Variants in PKP1 observed in about 807,000 individuals in gnomAD.
PKP1 encodes the protein plakophilin 1.
A neutral mutation model predicts 76.4 loss-of-function variants in PKP1; 27 were observed. That is an observed-to-expected ratio of 0.35 (90% CI 0.26 to 0.49). PKP1 has a LOEUF of 0.49. Among genes scored for constraint, PKP1 ranks in the 20% least tolerant of loss-of-function variants. The pLI, the probability that PKP1 is intolerant of heterozygous loss-of-function variation, is 0.99. For missense variants in PKP1, 964 were observed against 955.2 expected (o/e 1.01, Z -0.12); for synonymous variants, 404 against 384.2 (o/e 1.05, Z -0.60).
In PKP1 at chr1:201,328,882, C is replaced by T; in HGVS notation, c.*32+14C>T. On this transcript the variant is annotated intron_variant, in intron 13 of 13. Coordinates refer to ENST00000367324, the MANE Select transcript of PKP1 (RefSeq NM_001005337.3). ...TTAGGCTTGCAGGTAAGAATCACCC[C>T]ACCCTCAGGGATGCCTCTGGGACCA... The T allele has an allele frequency of 1.3e-6, 2 of 1,488,968 alleles. No homozygotes were observed. The highest frequency in any genetic ancestry group is 9.4e-7 in the Non-Finnish European group (1 of 1,065,812). The allele number at this position is 1,488,968 out of a possible 1,614,324, so 92.2% of individuals were successfully genotyped here. A position where few individuals can be genotyped will look rare whatever the true frequency, so the allele number is the denominator to read the frequency against.
At chr1:201,292,382 A>C (rs111456990) in intron 1 of PKP1, among the ~76,000 whole-genome samples, 1,566 of 152,240 alleles carry the variant, frequency 0.01, 31 homozygotes, top group African/African-American at 0.033. Context: ...GAACCAGGAC[A>C]AATATCAACA....
intron 12 of PKP1, among the ~76,000 whole-genome samples, chr1:201,326,887 C>T (rs1657141617): frequency 6.6e-6 from 1 of 152,246 alleles, no homozygotes. Flanking sequence ...AAAAGAGGAA[C>T]TGTGCAGGGT....
chr1:201,317,731 A>G lies in PKP1; in HGVS notation c.1006A>G (p.Ser336Gly). The G allele has an allele frequency of 1.9e-6, 3 of 1,613,952 alleles. No homozygotes were observed. The highest frequency in any genetic ancestry group is 1.3e-5 in the African/African-American group (1 of 75,038). Residue 336 changes from serine to glycine, a missense_variant, in exon 5 of 14, where the codon AGC becomes GGC. Ser to Gly is a moderately conservative substitution (Grantham distance 56). Transcript: ENST00000367324. ...RRQNGIREAVSLLRRTGNAEI... is the reference protein window; with the variant it reads ...RRQNGIREAVGLLRRTGNAEI... ...GCAGAATGGGATCCGCGAGGCAGTCAGCCTCCTGAGGAGAACCGGGAACGC... is the reference window on the plus strand; with the variant it reads ...GCAGAATGGGATCCGCGAGGCAGTCGGCCTCCTGAGGAGAACCGGGAACGC...
At chr1:201,308,808 G>A (rs1343005725) in intron 2 of PKP1, among the ~76,000 whole-genome samples, 1 of 152,158 alleles carries the variant, frequency 6.6e-6, no homozygotes, top group East Asian at 1.9e-4. Context: ...GCTGATGAAA[G>A]CTTTCCCTAA....
intron 1 of PKP1, among the ~76,000 whole-genome samples, chr1:201,290,242 G>T (rs1233512346): frequency 6.6e-6 from 1 of 152,128 alleles, no homozygotes; most frequent in Non-Finnish European, 1.5e-5. Context: ...AGGTTGTGTT[G>T]CTTGTATACC....
intron 7 of PKP1, 46 bp downstream of exon 7, chr1:201,320,427 C>G: frequency 7.8e-7 from 1 of 1,278,918 alleles, no homozygotes; most frequent in Non-Finnish European, 1.1e-6. Context: ...GCCCAGCCCC[C>G]TACATTTTCT....
At chr1:201,327,373 C>T (rs531749094) in intron 12 of PKP1, among the ~76,000 whole-genome samples, 21 of 152,276 alleles carry the variant, frequency 1.4e-4, no homozygotes, top group African/African-American at 3.6e-4. Flanking sequence ...GACTCATGAA[C>T]GCACGGTGTC....
At chr1:201,288,163 T>G (rs1655792751) in intron 1 of PKP1, among the ~76,000 whole-genome samples, 6 of 152,050 alleles carry the variant, frequency 3.9e-5, no homozygotes, top group Admixed American at 3.9e-4. Context: ...TGCCTCTCTT[T>G]GGGTCTCTGC....
rs566270910 is a variant in PKP1 at position 201,314,228 on chromosome 1, G to A, written c.701+668G>A. Among the ~76,000 whole-genome samples the A allele has an allele frequency of 4.6e-5, 7 of 152,320 alleles. No homozygotes were observed. In the East Asian group the frequency reaches 1.4e-3, roughly 29 times the overall value. ...AGCACTTTGGGAGGCCGAGGCAGGA[G>A]CGGGTAGAGGGTGCTTGAGCTCAGG... On this transcript the variant is annotated intron_variant, in intron 3 of 13. Coordinates refer to ENST00000367324, the MANE Select transcript of PKP1 (RefSeq NM_001005337.3).
intron 2 of PKP1, among the ~76,000 whole-genome samples, chr1:201,312,316 G>A (rs1204316915): frequency 6.6e-6 from 1 of 152,214 alleles, no homozygotes; most frequent in Non-Finnish European, 1.5e-5. Context: ...AGAAGTTTCT[G>A]TGTGCTGAGT....
intron 3 of PKP1, 101 bp from the exon 4 acceptor site, chr1:201,316,452 G>T: frequency 7.7e-7 from 1 of 1,294,970 alleles, no homozygotes; most frequent in East Asian, 2.5e-5. Flanking sequence ...CCAGAGGGCA[G>T]ATGAGGCTGT....
In PKP1 at chr1:201,317,273, C is replaced by T. The variant is rs965143878; in HGVS notation, c.847-299C>T. Among the ~76,000 whole-genome samples the T allele has an allele frequency of 2.6e-5, 4 of 152,150 alleles. No homozygotes were observed. The South Asian group carries it at 8.3e-4, about 32-fold the overall frequency. Reference sequence around the variant, plus strand: ...TACATCCACTCTCTTATCAGGTCCTCACCATCATTCTCCAGAGGAAGAAAG... The same window carrying T: ...TACATCCACTCTCTTATCAGGTCCTTACCATCATTCTCCAGAGGAAGAAAG... On this transcript the variant is annotated intron_variant, in intron 4 of 13. Coordinates refer to ENST00000367324, the MANE Select transcript of PKP1 (RefSeq NM_001005337.3).
intron 12 of PKP1, among the ~76,000 whole-genome samples, chr1:201,327,374 G>A (rs140919032): frequency 1.3e-5 from 2 of 152,130 alleles, no homozygotes; most frequent in Non-Finnish European, 2.9e-5. Context: ...ACTCATGAAC[G>A]CACGGTGTCC....
At position 201,332,902 on chromosome 1, in the gene PKP1, C is replaced by A. The variant is rs575534035; in HGVS notation, c.*2861C>A. ...TGTTTGTAGAGGAACCTTGTGCCGG[C>A]CAGGCCCAGTTTCCTTGTGTGATAC... On this transcript the variant is annotated 3_prime_UTR_variant, in exon 14 of 14. Coordinates refer to ENST00000367324, the MANE Select transcript of PKP1 (RefSeq NM_001005337.3). 8 of 152,320 alleles carry A rather than the reference C, an allele frequency of 5.3e-5. No individual in the cohort carries two copies. In the East Asian group the frequency reaches 1.5e-3, roughly 29 times the overall value. 9.4% of individuals were successfully genotyped at this position (152,320 alleles called of 1,614,324 possible).
chr1:201,300,422 G>GGCTGAT (rs1206788478), intron 2 of PKP1, among the ~76,000 whole-genome samples: 10 of 152,252 alleles, frequency 6.6e-5, no homozygotes, highest in African/African-American at 2.4e-5. Context: ...CTTAGGGTTG[G>GGCTGAT]GCTGAGCTCG....
intron 1 of PKP1, among the ~76,000 whole-genome samples, chr1:201,285,427 G>T (rs1435111030): frequency 6.6e-6 from 1 of 152,088 alleles, no homozygotes; most frequent in Non-Finnish European, 1.5e-5. Context: ...CTTTGCCTTT[G>T]TGTGGGCTCC....
chr1:201,317,787 A>G lies in PKP1; in HGVS notation c.1054+8A>G. 6.2e-7 allele frequency: 1 copy of G among 1,611,926 alleles called. No homozygotes were observed. The highest frequency in any genetic ancestry group is 8.5e-7 in the Non-Finnish European group (1 of 1,179,376). ...TCCAGAAGCAGCTGACTGGTAGGAC[A>G]ACACGGCCACCGAGAGCCAGCCTGA... On this transcript the variant is annotated splice_region_variant and intron_variant, in intron 5 of 13. Transcript: ENST00000367324.
intron 3 of PKP1, among the ~76,000 whole-genome samples, chr1:201,315,436 G>C (rs551857940): frequency 5.9e-5 from 9 of 152,150 alleles, no homozygotes; most frequent in African/African-American, 2.2e-4. Context: ...TTGAATGCTG[G>C]ACACAGCCAG....
chr1:201,325,870 G>A lies in PKP1; in HGVS notation c.2106+32G>A, dbSNP rs772556722. 7 of 1,539,542 alleles carry A rather than the reference G, an allele frequency of 4.5e-6. No homozygotes were observed. In the Admixed American group the frequency reaches 8.4e-5, roughly 18 times the overall value. On this transcript the variant is annotated intron_variant, in intron 12 of 13. Coordinates refer to ENST00000367324, the MANE Select transcript of PKP1 (RefSeq NM_001005337.3). ...GCCCAGGACATCATCCTCTTCTGAG[G>A]TTCTTCCTGCTCATGAGCAGAGGGC...
Sources: allele counts gnomAD v4.1 joint callset (sites outside exome capture counted in the v4.1 genomes callset), GRCh38; gene constraint gnomAD v4.1.1; transcripts MANE v1.5; gene names NCBI Gene and HGNC (gene_info 2026-07-23, HGNC 2026-07-21).